Variants in MKLN1 observed in about 807,000 individuals in gnomAD.
MKLN1 encodes muskelin 1.
MKLN1 carries 18 observed loss-of-function variants against 99.0 expected under a neutral mutation model. That is an observed-to-expected ratio of 0.18 (90% CI 0.13 to 0.27). The LOEUF (loss-of-function observed/expected upper bound fraction) is 0.27, where lower values mean the gene tolerates loss of function less well. Among genes scored for constraint, MKLN1 ranks in the 10% least tolerant of loss-of-function variants. The pLI is 1.00. For synonymous variants in MKLN1, 288 were observed against 293.2 expected (o/e 0.98, Z 0.18); for missense variants, 621 against 875.9 (o/e 0.71, Z 3.67).
intron 2 of MKLN1, among the ~76,000 whole-genome samples, chr7:131,157,082 T>C (rs1795980790): frequency 6.6e-6 from 1 of 152,102 alleles, no homozygotes; most frequent in African/African-American, 2.4e-5. Flanking sequence ...ATGTTCTACT[T>C]GAGAAATTCT....
chr7:131,205,023 A>G (rs1796788127), intron 3 of MKLN1, among the ~76,000 whole-genome samples: 1 of 151,866 alleles, frequency 6.6e-6, no homozygotes, highest in Admixed American at 6.6e-5. Context: ...GCTTGAACCC[A>G]GGAGGCAAAG....
At chr7:131,334,974 G>A (rs904303865) in intron 1 of MKLN1, among the ~76,000 whole-genome samples, 1 of 152,108 alleles carries the variant, frequency 6.6e-6, no homozygotes, top group African/African-American at 2.4e-5. Flanking sequence ...GGTCTTTATA[G>A]GTTCAATCTT....
At chr7:131,223,776 GT>G (rs201890457) in intron 3 of MKLN1, among the ~76,000 whole-genome samples, 1 of 151,488 alleles carries the variant, frequency 6.6e-6, no homozygotes, top group Admixed American at 6.6e-5. Context: ...TGTTGTTTTT[GT>G]TTTTTTTGAG....
intron 3 of MKLN1, chr7:131,242,517 C>A (rs1396512980): frequency 1.8e-5 from 5 of 271,948 alleles, no homozygotes; most frequent in Non-Finnish European, 2.9e-5. Context: ...GGCTGGGTGA[C>A]AGAGTGTGAC....
intron 8 of MKLN1, among the ~76,000 whole-genome samples, chr7:131,415,221 T>C (rs1245268530): frequency 6.6e-6 from 1 of 151,872 alleles, no homozygotes; most frequent in Non-Finnish European, 1.5e-5. Context: ...TATTTAGAGG[T>C]TAATGCCAAC....
intron 3 of MKLN1, among the ~76,000 whole-genome samples, chr7:131,229,722 A>AT (rs1006835326): frequency 1.8e-4 from 28 of 151,630 alleles, no homozygotes; most frequent in African/African-American, 5.1e-4. Context: ...CAGGCTGCTG[A>AT]TTTTTTTTAT....
At chr7:131,428,388 A>G (rs1795421980) in intron 8 of MKLN1, among the ~76,000 whole-genome samples, 1 of 152,192 alleles carries the variant, frequency 6.6e-6, no homozygotes, top group Admixed American at 6.5e-5. Context: ...ATATATCTGG[A>G]AAAATTTCTC....
intron 15 of MKLN1, 51 bp from the exon 16 acceptor site, chr7:131,470,791 T>C: frequency 8.6e-7 from 1 of 1,169,222 alleles, no homozygotes; most frequent in African/African-American, 1.5e-5. Flanking sequence ...GAAAGACATT[T>C]CTGATATTTT....
intron 2 of MKLN1, among the ~76,000 whole-genome samples, chr7:131,384,446 C>G (rs1018114677): frequency 2.6e-5 from 4 of 151,798 alleles, no homozygotes; most frequent in African/African-American, 9.7e-5. Flanking sequence ...TACACTGTCA[C>G]AAGCCAGAAA....
chr7:131,491,085 G>T lies in MKLN1; in HGVS notation c.*3357G>T, dbSNP rs1025689739. 6.6e-6 allele frequency: 1 copy of T among 152,026 alleles called. No individual in the cohort carries two copies. Among genetic ancestry groups the T allele is most frequent in the South Asian group, 2.1e-4 (1 of 4,820 alleles). 9.4% of individuals were successfully genotyped at this position (152,026 alleles called of 1,614,324 possible). A position where few individuals can be genotyped will look rare whatever the true frequency, so the allele number is the denominator to read the frequency against. On this transcript the variant is annotated 3_prime_UTR_variant, in exon 18 of 18. Coordinates refer to ENST00000352689, the MANE Select transcript of MKLN1 (RefSeq NM_013255.5). ...CATGGAATTCACTGGGTAATTGTGG[G>T]TCATTTATTTCCTGAAAGTCACGTG...
chr7:131,269,474 C>T (rs547693614), intron 3 of MKLN1, among the ~76,000 whole-genome samples: 1 of 152,302 alleles, frequency 6.6e-6, no homozygotes, highest in East Asian at 1.9e-4. Flanking sequence ...GCCCTCATGA[C>T]CTAATCACTT....
intron 11 of MKLN1, among the ~76,000 whole-genome samples, chr7:131,444,266 C>T (rs1180306576): frequency 3.3e-5 from 5 of 151,650 alleles, no homozygotes; most frequent in African/African-American, 1.2e-4. Context: ...TACAGGCATG[C>T]ACCACCACGC....
chr7:131,128,974 A>G (rs772942251), intron 1 of MKLN1, among the ~76,000 whole-genome samples: 1 of 145,634 alleles, frequency 6.9e-6, no homozygotes, highest in Non-Finnish European at 1.5e-5. Context: ...GACTTTATGT[A>G]TATGACAAGC....
intron 1 of MKLN1, among the ~76,000 whole-genome samples, chr7:131,140,329 G>C (rs1391004920): frequency 2.6e-5 from 4 of 151,808 alleles, no homozygotes; most frequent in Admixed American, 2.6e-4. Flanking sequence ...TTTTTTTCAG[G>C]GGTCCTTTCT....
intron 3 of MKLN1, among the ~76,000 whole-genome samples, chr7:131,269,904 CTTTT>C (rs899074000): frequency 5.2e-4 from 79 of 152,052 alleles, no homozygotes; most frequent in African/African-American, 1.8e-3. Flanking sequence ...CTTTTCTTTT[CTTTT>C]TCTTTTTATT....
chr7:131,267,295 G>A (rs940859037), intron 3 of MKLN1, among the ~76,000 whole-genome samples: 12 of 152,038 alleles, frequency 7.9e-5, no homozygotes, highest in African/African-American at 2.9e-4. Context: ...TCCCACCACT[G>A]CACTCTAGCC....
intron 3 of MKLN1, among the ~76,000 whole-genome samples, chr7:131,210,461 G>A (rs1167109115): frequency 2.0e-5 from 3 of 151,636 alleles, no homozygotes; most frequent in Non-Finnish European, 4.4e-5. Context: ...GAACCTGGGA[G>A]GTGGAAGTTG....
intron 3 of MKLN1, among the ~76,000 whole-genome samples, chr7:131,230,201 T>C (rs926868665): frequency 3.9e-5 from 6 of 152,184 alleles, no homozygotes; most frequent in African/African-American, 1.4e-4. Context: ...GACAGTCTTA[T>C]GGTCTCTATT....
intron 5 of MKLN1, among the ~76,000 whole-genome samples, chr7:131,398,805 T>C (rs1197293691): frequency 6.6e-6 from 1 of 152,238 alleles, no homozygotes; most frequent in African/African-American, 2.4e-5. Flanking sequence ...ATTCAAGTAA[T>C]AGTTTATTTT....
Sources: gnomAD v4.1 joint callset for allele counts (sites outside exome capture counted in the v4.1 genomes callset) on GRCh38, gnomAD v4.1.1 for gene constraint, MANE v1.5 for transcripts, NCBI Gene and HGNC (gene_info 2026-07-23, HGNC 2026-07-21) for gene names.